RXYLT1: variants seen among roughly 807,000 people sequenced by gnomAD.
The protein encoded by RXYLT1 is ribitol xylosyltransferase 1, also known as ribitol-5-phosphate xylosyltransferase 1.
In RXYLT1, 41 loss-of-function variants were observed where a neutral mutation model predicts 43.5. That is an observed-to-expected ratio of 0.94 (90% CI 0.73 to 1.22). The LOEUF (loss-of-function observed/expected upper bound fraction) is 1.22. RXYLT1 is among the 50% of genes most tolerant of loss of function. The probability of loss-of-function intolerance (pLI) is 0.00; values close to 1 mark genes in which losing one functional copy is unlikely to be tolerated. For missense variants in RXYLT1, 514 were observed against 532.0 expected (o/e 0.97, Z 0.33); for synonymous variants, 166 against 194.4 (o/e 0.85, Z 1.21).
intron 3 of RXYLT1, among the ~76,000 whole-genome samples, chr12:63,789,503 A>G (rs184380047): frequency 4.3e-4 from 65 of 152,298 alleles, no homozygotes; most frequent in Non-Finnish European, 5.0e-4. Flanking sequence ...CCATATCACC[A>G]TCTCATAGTG....
intron 5 of RXYLT1, chr12:63,806,720 C>G (rs1407284686): frequency 1.3e-5 from 2 of 151,998 alleles, no homozygotes; most frequent in Non-Finnish European, 2.9e-5. Flanking sequence ...CTATTCTCCC[C>G]TTTCCCTCCC....
At chr12:63,791,333 A>G (rs1302916930) in intron 3 of RXYLT1, among the ~76,000 whole-genome samples, 1 of 152,234 alleles carries the variant, frequency 6.6e-6, no homozygotes, top group Non-Finnish European at 1.5e-5. Context: ...CACAGGCTAT[A>G]TAAATGTCTA....
intron 5 of RXYLT1, chr12:63,806,742 A>G (rs1237456116): frequency 6.6e-6 from 1 of 152,106 alleles, no homozygotes; most frequent in African/African-American, 2.4e-5. Flanking sequence ...AATAATCCCA[A>G]TTTTGAAACT....
intron 3 of RXYLT1, among the ~76,000 whole-genome samples, chr12:63,796,399 A>G (rs1434458367): frequency 1.3e-5 from 2 of 152,248 alleles, no homozygotes; most frequent in African/African-American, 4.8e-5. Flanking sequence ...GTTTTTTTCC[A>G]TTGTGATATT....
chr12:63,784,916 A>G, intron 2 of RXYLT1, 54 bp from the exon 3 acceptor site: 1 of 1,452,464 alleles, frequency 6.9e-7, no homozygotes, highest in Non-Finnish European at 9.6e-7. Flanking sequence ...CTCATGCACT[A>G]AAGTAGATGA....
rs1898174031 is a variant in RXYLT1, at chr12:63,802,159, TAAATGGAAGAG to T, written c.501_511del (p.Asn167LysfsTer34). 1.2e-6 allele frequency: 2 copies of T among 1,613,966 alleles called. No homozygotes were observed. The highest frequency in any genetic ancestry group is 1.7e-6 in the Non-Finnish European group (2 of 1,180,006). On this transcript the variant is annotated frameshift_variant, in exon 4 of 6. Coordinates refer to ENST00000261234, the MANE Select transcript of RXYLT1 (RefSeq NM_014254.3). LOFTEE classifies it high-confidence loss of function. ...GATGTGAATAATGTGGTACTCATTT[TAAATGGAAGAG>T]AAAAAGCAAAGATCTTTTATGCCAC...
At chr12:63,780,474 C>T in intron 1 of RXYLT1, 1 of 1,124,116 alleles carries the variant, frequency 8.9e-7, no homozygotes, top group African/African-American at 1.7e-5. Flanking sequence ...TTTAAGACAT[C>T]CGTTTCCATG....
Position 63,805,237 on chromosome 12 carries a change from C to A in RXYLT1, c.747C>A (p.Tyr249Ter). 3 of 1,590,482 alleles carry A rather than the reference C, an allele frequency of 1.9e-6. No individual in the cohort carries two copies. Among genetic ancestry groups the A allele is most frequent in the Non-Finnish European group, 2.6e-6 (3 of 1,172,424 alleles). ...VFQWPLGVAT[Y>*]RNFPVVEASW... ...TCATGTGTATTTATTTTTATAGATA[C>A]AGGAATTTTCCTGTGGTGGAGGCAA... The change falls in exon 5 of 6, where the codon TAC (tyrosine) becomes TAA (stop). Residue 249 changes from tyrosine to a stop codon, truncating the protein, a stop_gained. Transcript: ENST00000261234. LOFTEE classifies it high-confidence loss of function.
intron 3 of RXYLT1, among the ~76,000 whole-genome samples, chr12:63,785,956 T>A (rs1473614271): frequency 2.6e-5 from 4 of 152,144 alleles, no homozygotes; most frequent in African/African-American, 9.7e-5. Context: ...ATTGCATGTA[T>A]CTTTTCAAAG....
chr12:63,791,492 T>G (rs1447021927), intron 3 of RXYLT1, among the ~76,000 whole-genome samples: 1 of 152,218 alleles, frequency 6.6e-6, no homozygotes, highest in Non-Finnish European at 1.5e-5. Flanking sequence ...GATGGCATTT[T>G]TAGAATTTCC....
At chr12:63,781,984 A>G (rs914729352) in intron 2 of RXYLT1, among the ~76,000 whole-genome samples, 1 of 152,194 alleles carries the variant, frequency 6.6e-6, no homozygotes, top group African/African-American at 2.4e-5. Context: ...TCTAAATTTC[A>G]AGTACCTGAA....
chr12:63,799,719 C>A (rs1898116477), intron 3 of RXYLT1, among the ~76,000 whole-genome samples: 2 of 152,128 alleles, frequency 1.3e-5, no homozygotes, highest in African/African-American at 4.8e-5. Context: ...TAGAACCTCT[C>A]TCAAGATTTC....
intron 3 of RXYLT1, among the ~76,000 whole-genome samples, chr12:63,791,394 A>G (rs1897917233): frequency 6.6e-6 from 1 of 152,208 alleles, no homozygotes; most frequent in Admixed American, 6.5e-5. Flanking sequence ...TGTTATCAAG[A>G]TTCGATTATA....
At chr12:63,793,428 CTAAAT>C (rs1897961368) in intron 3 of RXYLT1, among the ~76,000 whole-genome samples, 1 of 151,986 alleles carries the variant, frequency 6.6e-6, no homozygotes, top group South Asian at 2.1e-4. Flanking sequence ...CTTACACAAA[CTAAAT>C]TAATAGCCCC....
chr12:63,786,997 C>A (rs900279199), intron 3 of RXYLT1, among the ~76,000 whole-genome samples: 1 of 152,008 alleles, frequency 6.6e-6, no homozygotes, highest in Non-Finnish European at 1.5e-5. Context: ...ACCTGTAATC[C>A]CAGCTACTTG....
At chr12:63,805,173 T>C in intron 4 of RXYLT1, 61 bp from the exon 5 acceptor site, 2 of 1,362,660 alleles carry the variant, frequency 1.5e-6, no homozygotes, top group Non-Finnish European at 2.0e-6. Flanking sequence ...AGAGATTGGG[T>C]TATGGGGAAT....
chr12:63,788,226 T>C (rs1897849012), intron 3 of RXYLT1, among the ~76,000 whole-genome samples: 1 of 152,202 alleles, frequency 6.6e-6, no homozygotes, highest in Non-Finnish European at 1.5e-5. Flanking sequence ...AGATTTAGGA[T>C]AGTTTTAAAG....
Position 63,780,072 on chromosome 12 carries a change from G to T in RXYLT1, c.112G>T (p.Gly38Trp), listed in dbSNP as rs774043601. The T allele has an allele frequency of 1.3e-6, 2 of 1,598,156 alleles. No homozygotes were observed. The highest frequency in any genetic ancestry group is 8.5e-7 in the Non-Finnish European group (1 of 1,175,460). The change falls in exon 1 of 6, where the codon GGG becomes TGG. Residue 38 changes from glycine to tryptophan, a missense_variant. Gly to Trp is a radical substitution (Grantham distance 184, BLOSUM62 -2). Coordinates refer to ENST00000261234, the MANE Select transcript of RXYLT1 (RefSeq NM_014254.3). Reference sequence around the variant, plus strand: ...CGGGCGCCGCCGCCAGGCGCCGGCCGGGTCCCCGCGGGGCCTCAGGAAGGG... The same window carrying T: ...CGGGCGCCGCCGCCAGGCGCCGGCCTGGTCCCCGCGGGGCCTCAGGAAGGG... ...FFGRRRQAPA[G>W]SPRGLRKGAA...
At chr12:63,793,454 T>C (rs1323245159) in intron 3 of RXYLT1, among the ~76,000 whole-genome samples, 1 of 152,166 alleles carries the variant, frequency 6.6e-6, no homozygotes, top group Admixed American at 6.5e-5. Flanking sequence ...CCTTCTGCTA[T>C]ACTCATAATT....
Sources: gnomAD v4.1 joint callset for allele counts (sites outside exome capture counted in the v4.1 genomes callset) on GRCh38, gnomAD v4.1.1 for gene constraint, MANE v1.5 for transcripts, NCBI Gene and HGNC (gene_info 2026-07-23, HGNC 2026-07-21) for gene names.